The following CDH13 variants were observed in gnomAD, a reference collection of about 807,000 sequenced individuals.
CDH13 encodes the protein cadherin-13.
A neutral mutation model predicts 63.8 loss-of-function variants in CDH13; 24 were observed. That is an observed-to-expected ratio of 0.38 (90% CI 0.27 to 0.53). The LOEUF (loss-of-function observed/expected upper bound fraction) is 0.53. Ranked by LOEUF, CDH13 falls within the 20% of genes least tolerant of loss-of-function variation. The pLI is 0.85. For missense variants in CDH13, 1,049 were observed against 903.1 expected (o/e 1.16, Z -2.07); for synonymous variants, 503 against 355.3 (o/e 1.42, Z -4.67).
chr16:83,631,191 A>G (rs546734303), intron 8 of CDH13, among the ~76,000 whole-genome samples: 9 of 152,346 alleles, frequency 5.9e-5, no homozygotes, highest in Middle Eastern at 3.4e-3. Flanking sequence ...TGAAGCCCTC[A>G]GGTTATCTGG....
At chr16:83,297,548 C>T (rs2089631680) in intron 5 of CDH13, among the ~76,000 whole-genome samples, 1 of 152,066 alleles carries the variant, frequency 6.6e-6, no homozygotes, top group African/African-American at 2.4e-5. Flanking sequence ...TCTCACTGAA[C>T]ACTTTTTGAA....
chr16:83,434,984 A>AATAT (rs34092245), intron 6 of CDH13, among the ~76,000 whole-genome samples: 1,838 of 144,186 alleles, frequency 0.013, 39 homozygotes, highest in African/African-American at 0.044. Flanking sequence ...TAAATAAATA[A>AATAT]ATATATATAT....
chr16:83,513,366 A>G (rs1448840940), intron 7 of CDH13, among the ~76,000 whole-genome samples: 1 of 152,134 alleles, frequency 6.6e-6, no homozygotes, highest in Non-Finnish European at 1.5e-5. Context: ...GATCCCTTAG[A>G]TCAATGGTGA....
At chr16:83,539,694 A>G (rs74664465) in intron 7 of CDH13, among the ~76,000 whole-genome samples, 2,432 of 152,328 alleles carry the variant, frequency 0.016, 29 homozygotes, top group Non-Finnish European at 0.027. Context: ...ACTTCACGAA[A>G]TAGGTACTGT....
At chr16:82,967,825 C>G (rs1004211824) in intron 2 of CDH13, among the ~76,000 whole-genome samples, 1 of 152,174 alleles carries the variant, frequency 6.6e-6, no homozygotes, top group Non-Finnish European at 1.5e-5. Flanking sequence ...AGGGTGGTGT[C>G]TGCCAGGTTT....
intron 8 of CDH13, among the ~76,000 whole-genome samples, chr16:83,645,222 A>G (rs1911679144): frequency 6.6e-6 from 1 of 152,250 alleles, no homozygotes; most frequent in African/African-American, 2.4e-5. Flanking sequence ...GCCATAAAAA[A>G]GAATGAAATC....
At chr16:83,515,844 T>C (rs2074687307) in intron 7 of CDH13, among the ~76,000 whole-genome samples, 1 of 152,202 alleles carries the variant, frequency 6.6e-6, no homozygotes, top group Non-Finnish European at 1.5e-5. Flanking sequence ...TAATGTGTCC[T>C]GCCACATTAA....
rs146479509 is a variant in CDH13, at chr16:83,270,024, A to G, written c.636+52527A>G. On this transcript the variant is annotated intron_variant, in intron 5 of 13. Transcript: ENST00000567109. ...CCTCCTGAGAAATAGATCTTCTGCA[A>G]CATTTTCATTAATCTCTTTATTAAA... Among the ~76,000 whole-genome samples the G allele has an allele frequency of 5.9e-3, 898 of 152,368 alleles. 5 individuals carry two copies. The highest frequency in any genetic ancestry group is 9.6e-3 in the Non-Finnish European group (654 of 68,038).
chr16:83,619,174 T>C (rs1909572404), intron 8 of CDH13, among the ~76,000 whole-genome samples: 1 of 152,318 alleles, frequency 6.6e-6, no homozygotes, highest in Middle Eastern at 3.4e-3. Flanking sequence ...CAGACATGTA[T>C]GTGCGCTATG....
At chr16:83,568,010 AC>A (rs1335148720) in intron 7 of CDH13, among the ~76,000 whole-genome samples, 1 of 152,240 alleles carries the variant, frequency 6.6e-6, no homozygotes, top group East Asian at 1.9e-4. Context: ...CAGCATGTAC[AC>A]CTCATTACTT....
intron 6 of CDH13, among the ~76,000 whole-genome samples, chr16:83,359,332 G>T (rs2091116961): frequency 6.6e-6 from 1 of 152,202 alleles, no homozygotes. Context: ...AAGGATGGCT[G>T]TGAAGGTTCT....
intron 8 of CDH13, among the ~76,000 whole-genome samples, chr16:83,656,204 T>G (rs1208604479): frequency 1.3e-5 from 2 of 152,196 alleles, no homozygotes; most frequent in South Asian, 2.1e-4. Context: ...TTGTTGCTGA[T>G]GGACTGGATG....
intron 5 of CDH13, among the ~76,000 whole-genome samples, chr16:83,287,893 G>C (rs2089361842): frequency 6.6e-6 from 1 of 152,052 alleles, no homozygotes; most frequent in South Asian, 2.1e-4. Flanking sequence ...TTAATGCATA[G>C]AAGTCCATGA....
chr16:83,261,975 A>G (rs1907051065), intron 5 of CDH13, among the ~76,000 whole-genome samples: 1 of 152,110 alleles, frequency 6.6e-6, no homozygotes, highest in Admixed American at 6.5e-5. Context: ...GTCACTGCAA[A>G]CTACCAGGTT....
intron 6 of CDH13, among the ~76,000 whole-genome samples, chr16:83,414,315 G>C (rs1027081069): frequency 6.6e-6 from 1 of 152,050 alleles, no homozygotes; most frequent in Admixed American, 6.5e-5. Context: ...TTTAAAATGT[G>C]CAATTTAATC....
At chr16:83,591,382 C>T (rs141294135) in intron 7 of CDH13, among the ~76,000 whole-genome samples, 1 of 152,332 alleles carries the variant, frequency 6.6e-6, no homozygotes, top group Non-Finnish European at 1.5e-5. Context: ...ACAATCTGTA[C>T]TTCCTTGTCT....
At chr16:83,044,810 G>C (rs1014303656) in intron 3 of CDH13, among the ~76,000 whole-genome samples, 2 of 152,124 alleles carry the variant, frequency 1.3e-5, no homozygotes, top group Admixed American at 1.3e-4. Context: ...CAAGTGCATC[G>C]CTGCAGCCAT....
At chr16:83,424,115 G>C (rs141807397) in intron 6 of CDH13, among the ~76,000 whole-genome samples, 1 of 151,652 alleles carries the variant, frequency 6.6e-6, no homozygotes, top group African/African-American at 2.4e-5. Context: ...AATCCAAAAC[G>C]TACTGAACAG....
chr16:83,059,028 C>G (rs1183436842), intron 3 of CDH13, among the ~76,000 whole-genome samples: 2 of 152,138 alleles, frequency 1.3e-5, no homozygotes, highest in South Asian at 2.1e-4. Context: ...GGAAGAAAAG[C>G]CCAGGACAAG....
Sources: allele counts gnomAD v4.1 joint callset (sites outside exome capture counted in the v4.1 genomes callset), GRCh38; gene constraint gnomAD v4.1.1; transcripts MANE v1.5; gene names NCBI Gene and HGNC (gene_info 2026-07-23, HGNC 2026-07-21).